AKAP6: variants seen among roughly 807,000 people sequenced by gnomAD.
The protein encoded by AKAP6 is A-kinase anchor protein 6.
In AKAP6, 58 loss-of-function variants were observed where a neutral mutation model predicts 188.5. The observed-to-expected ratio is 0.31, with a 90% confidence interval of 0.25 to 0.38. The LOEUF (loss-of-function observed/expected upper bound fraction) is 0.38, where lower values mean the gene tolerates loss of function less well. Ranked by LOEUF, AKAP6 falls within the 10% of genes least tolerant of loss-of-function variation. AKAP6 has a pLI of 1.00. For missense variants in AKAP6, 2,710 were observed against 2,740.0 expected (o/e 0.99, Z 0.24); for synonymous variants, 989 against 998.6 (o/e 0.99, Z 0.18).
At chr14:32,663,904 A>G (rs1220048235) in intron 7 of AKAP6, among the ~76,000 whole-genome samples, 2 of 152,134 alleles carry the variant, frequency 1.3e-5, no homozygotes, top group African/African-American at 2.4e-5. Flanking sequence ...GGGAAATAGT[A>G]TAATAAATGG....
At chr14:32,683,909 A>T (rs1889799637) in intron 8 of AKAP6, among the ~76,000 whole-genome samples, 1 of 152,220 alleles carries the variant, frequency 6.6e-6, no homozygotes, top group South Asian at 2.1e-4. Flanking sequence ...AGAAACTGAA[A>T]GAAGGAAGCT....
intron 12 of AKAP6, among the ~76,000 whole-genome samples, chr14:32,803,103 T>A (rs536902700): frequency 6.6e-6 from 1 of 152,014 alleles, no homozygotes; most frequent in Non-Finnish European, 1.5e-5. Flanking sequence ...AAAGATTTTT[T>A]AGATCTGTCT....
rs147083772 is a variant in AKAP6 at position 32,822,590 on chromosome 14, A to G, written c.4777A>G (p.Ser1593Gly). 11 of 1,614,014 alleles carry G rather than the reference A, an allele frequency of 6.8e-6. No individual in the cohort carries two copies. Among genetic ancestry groups the G allele is most frequent in the Non-Finnish European group, 8.5e-6 (10 of 1,179,966 alleles). ...FKNGSDSLQR[S>G]TSLESWLTSY... is the part of the protein sequence containing the mutation. ...AAATGGCAGTGACAGCCTCCAGCGA[A>G]GCACTTCTTTAGAAAGTTGGTTGAC... Residue 1593 changes from serine to glycine, a missense_variant, in exon 13 of 14, where the codon AGC (serine) becomes GGC (glycine). Transcript: ENST00000280979.
intron 1 of AKAP6, among the ~76,000 whole-genome samples, chr14:32,396,184 T>G (rs960346838): frequency 3.3e-5 from 5 of 152,176 alleles, no homozygotes; most frequent in African/African-American, 1.2e-4. Flanking sequence ...TTCACTTACT[T>G]GAGTTTGCTT....
chr14:32,403,890 T>C (rs1285662833), intron 1 of AKAP6, among the ~76,000 whole-genome samples: 1 of 152,198 alleles, frequency 6.6e-6, no homozygotes, highest in African/African-American at 2.4e-5. Context: ...AGTCATCACA[T>C]TGAGGTCAGA....
intron 7 of AKAP6, among the ~76,000 whole-genome samples, chr14:32,617,461 G>A (rs1886626318): frequency 6.6e-6 from 1 of 151,916 alleles, no homozygotes; most frequent in Non-Finnish European, 1.5e-5. Context: ...TATTCCTCAA[G>A]CTGCATTCTT....
chr14:32,807,963 A>G (rs990124429), intron 12 of AKAP6, among the ~76,000 whole-genome samples: 1 of 152,260 alleles, frequency 6.6e-6, no homozygotes, highest in East Asian at 1.9e-4. Context: ...TTAAAGGACT[A>G]GAAGCTCCCA....
intron 11 of AKAP6, among the ~76,000 whole-genome samples, chr14:32,736,836 A>G (rs921943668): frequency 2.0e-5 from 3 of 152,122 alleles, no homozygotes; most frequent in African/African-American, 4.8e-5. Flanking sequence ...CCAAACAGGC[A>G]GAGTCATCTT....
intron 2 of AKAP6, among the ~76,000 whole-genome samples, chr14:32,449,113 G>A (rs142417125): frequency 1.1e-4 from 16 of 152,236 alleles, no homozygotes; most frequent in East Asian, 7.7e-4. Flanking sequence ...TACAATGTCC[G>A]AATTTCCTTT....
intron 7 of AKAP6, among the ~76,000 whole-genome samples, chr14:32,615,314 G>A (rs1886526328): frequency 1.3e-5 from 2 of 151,810 alleles, no homozygotes; most frequent in African/African-American, 4.8e-5. Context: ...ATATGCCAAG[G>A]ATGGCAGAGG....
intron 1 of AKAP6, among the ~76,000 whole-genome samples, chr14:32,337,729 C>G (rs552764893): frequency 1.0e-3 from 151 of 145,208 alleles, no homozygotes; most frequent in African/African-American, 3.5e-3. Flanking sequence ...CCCCTCCCCC[C>G]ACCCCACAAC....
chr14:32,666,557 CT>C (rs1320034195), intron 7 of AKAP6, among the ~76,000 whole-genome samples: 3 of 151,918 alleles, frequency 2.0e-5, no homozygotes, highest in African/African-American at 7.3e-5. Context: ...AATCTAAATA[CT>C]TTATTTTATT....
intron 5 of AKAP6, among the ~76,000 whole-genome samples, chr14:32,588,667 A>C (rs1885353199): frequency 6.6e-6 from 1 of 152,206 alleles, no homozygotes; most frequent in Non-Finnish European, 1.5e-5. Flanking sequence ...AGAAGCACCA[A>C]ATTCCTACAG....
At chr14:32,544,289 T>G (rs766006667) in intron 3 of AKAP6, among the ~76,000 whole-genome samples, 22 of 152,224 alleles carry the variant, frequency 1.4e-4, no homozygotes, top group Non-Finnish European at 2.8e-4. Flanking sequence ...ATTTAGCCAG[T>G]AGGCAAAATA....
chr14:32,347,241 G>A (rs947712814), intron 1 of AKAP6, among the ~76,000 whole-genome samples: 2 of 152,210 alleles, frequency 1.3e-5, no homozygotes, highest in Non-Finnish European at 2.9e-5. Context: ...ACAAAGTTGA[G>A]GCATCAGAGA....
chr14:32,625,442 GA>G (rs1396761942), intron 7 of AKAP6, among the ~76,000 whole-genome samples: 1 of 151,916 alleles, frequency 6.6e-6, no homozygotes, highest in Non-Finnish European at 1.5e-5. Context: ...TTTCTCTCTT[GA>G]CAGCTATAAA....
intron 2 of AKAP6, among the ~76,000 whole-genome samples, chr14:32,523,762 T>C (rs2139071401): frequency 7.1e-6 from 1 of 141,670 alleles, no homozygotes; most frequent in East Asian, 2.1e-4. Flanking sequence ...CCACCATGCC[T>C]GGCCATGAAG....
rs1274674308 is a variant in AKAP6 at position 32,837,484 on chromosome 14, A to G, written c.*7679A>G. 1 of 152,216 alleles carries G rather than the reference A, an allele frequency of 6.6e-6. No individual in the cohort carries two copies. The highest frequency in any genetic ancestry group is 1.5e-5 in the Non-Finnish European group (1 of 68,042). 9.4% of individuals were successfully genotyped at this position (152,216 alleles called of 1,614,324 possible). A position where few individuals can be genotyped will look rare whatever the true frequency, so the allele number is the denominator to read the frequency against. The stretch of plus-strand genomic sequence containing the variant: ...AATATTCCCTAACCACTGGTTTATA[A>G]AAAATACTCTAAGGTTTATAGAATT... On this transcript the variant is annotated 3_prime_UTR_variant, in exon 14 of 14. Transcript: ENST00000280979.
intron 5 of AKAP6, among the ~76,000 whole-genome samples, chr14:32,592,809 C>T (rs564639574): frequency 2.6e-5 from 4 of 152,232 alleles, no homozygotes; most frequent in East Asian, 1.9e-4. Flanking sequence ...TAACATTTCC[C>T]GTCATCTATA....
Sources: gnomAD v4.1 joint callset for allele counts (sites outside exome capture counted in the v4.1 genomes callset) on GRCh38, gnomAD v4.1.1 for gene constraint, MANE v1.5 for transcripts, NCBI Gene and HGNC (gene_info 2026-07-23, HGNC 2026-07-21) for gene names.